PTCD1: variants seen among roughly 807,000 people sequenced by gnomAD.
PTCD1 encodes pentatricopeptide repeat domain 1.
A neutral mutation model predicts 53.4 loss-of-function variants in PTCD1; 50 were observed. The observed-to-expected ratio is 0.94, with a 90% CI of 0.75 to 1.19. PTCD1 has a LOEUF of 1.19. Ranked by LOEUF, PTCD1 falls within the 50% of genes most tolerant of loss-of-function variation. The probability of loss-of-function intolerance (pLI) is 0.00; values close to 1 mark genes in which losing one functional copy is unlikely to be tolerated. For synonymous variants in PTCD1, 413 were observed against 394.8 expected (o/e 1.05, Z -0.55); for missense variants, 918 against 904.8 (o/e 1.01, Z -0.19).
At chr7:99,429,543 G>C in intron 4 of PTCD1, 45 bp downstream of exon 4, 2 of 1,613,660 alleles carry the variant, frequency 1.2e-6, no homozygotes, top group African/African-American at 2.7e-5. Context: ...CTGACACGTG[G>C]GACCAGCCCC....
Position 99,419,507 on chromosome 7 carries a change from T to G in PTCD1, c.*460A>C, listed in dbSNP as rs1795701123. On this transcript the variant is annotated 3_prime_UTR_variant, in exon 8 of 8. Transcript: ENST00000292478. ...CCTGCCTGTCACGCCACCCCCTTCC[T>G]GGGAGCAGCGAGCAGTGCCCCAGGC... is the stretch of plus-strand genomic sequence containing the variant. 6.3e-7 allele frequency: 1 copy of G among 1,586,866 alleles called. No homozygotes were observed. The highest frequency in any genetic ancestry group is 1.7e-5 in the Admixed American group (1 of 59,864).
chr7:99,427,530 G>A (rs1420526463), intron 5 of PTCD1, among the ~76,000 whole-genome samples: 5 of 151,602 alleles, frequency 3.3e-5, no homozygotes, highest in South Asian at 2.1e-4. Context: ...GGAGGTGAGC[G>A]GCGCCTCTGC....
At chr7:99,429,885 A>AGGCTGGAGAGGG in intron 3 of PTCD1, 79 bp from the exon 4 acceptor site, 1 of 1,554,700 alleles carries the variant, frequency 6.4e-7, no homozygotes. Flanking sequence ...GAGGAGGCTG[A>AGGCTGGAGAGGG]GGCTGGAGAG....
At chr7:99,423,519 G>A (rs1276493878) in intron 7 of PTCD1, among the ~76,000 whole-genome samples, 3 of 152,196 alleles carry the variant, frequency 2.0e-5, no homozygotes, top group Non-Finnish European at 4.4e-5. Flanking sequence ...CAAGAGGTTG[G>A]TGGCCTCTGC....
intron 2 of PTCD1, 130 bp downstream of exon 2, chr7:99,434,660 G>T: frequency 8.8e-7 from 1 of 1,138,368 alleles, no homozygotes; most frequent in Non-Finnish European, 1.3e-6. Context: ...GATACTTACA[G>T]CCATAAGGCT....
At chr7:99,434,480 G>A (rs1459782043) in intron 2 of PTCD1, among the ~76,000 whole-genome samples, 5 of 151,758 alleles carry the variant, frequency 3.3e-5, no homozygotes, top group African/African-American at 4.8e-5. Context: ...GTGCTAGAAG[G>A]GTGTGGAGGA....
At position 99,435,148 on chromosome 7, in the gene PTCD1, G is replaced by A. The variant is rs1366474170; in HGVS notation, c.95C>T (p.Ala32Val). 1.9e-6 allele frequency: 3 copies of A among 1,600,700 alleles called. No individual in the cohort carries two copies. In the South Asian group the frequency reaches 3.3e-5, roughly 18 times the overall value. The change falls in exon 2 of 8, where the codon GCA becomes GTA. Residue 32 changes from alanine to valine, a missense_variant. By Grantham distance (64) the Ala-to-Val change is moderately conservative. Coordinates refer to ENST00000292478, the MANE Select transcript of PTCD1 (RefSeq NM_015545.4). Reference sequence around the variant, plus strand: ...CCGCATCAGCCCCTCCCTGCCTCCTGCCCACCTGGCTCTACAGGGGTCCAG... The same window carrying A: ...CCGCATCAGCCCCTCCCTGCCTCCTACCCACCTGGCTCTACAGGGGTCCAG... ...QHLDPCRARW[A>V]GGREGLMRPM... is the part of the protein sequence containing the mutation.
At chr7:99,429,240 T>C (rs759082340) in intron 4 of PTCD1, 36 bp from the exon 5 acceptor site, 3 of 1,610,790 alleles carry the variant, frequency 1.9e-6, no homozygotes, top group Non-Finnish European at 2.5e-6. Context: ...ACTGAGAACC[T>C]GCAGCAGGCT....
intron 7 of PTCD1, among the ~76,000 whole-genome samples, chr7:99,423,070 T>C (rs563648341): frequency 6.6e-6 from 1 of 151,654 alleles, no homozygotes; most frequent in Admixed American, 6.6e-5. Flanking sequence ...ACTTCAGCTC[T>C]TAACCTCTTT....
intron 5 of PTCD1, among the ~76,000 whole-genome samples, chr7:99,427,761 GA>G (rs1733154872): frequency 6.6e-6 from 1 of 151,876 alleles, no homozygotes; most frequent in Non-Finnish European, 1.5e-5. Context: ...TCTGTACTAA[GA>G]AAAATTCTTC....
intron 2 of PTCD1, 150 bp downstream of exon 2, chr7:99,434,640 A>G: frequency 1.0e-6 from 1 of 971,970 alleles, no homozygotes; most frequent in Non-Finnish European, 1.6e-6. Flanking sequence ...GGAGGATGGC[A>G]AAGGGTTGCG....
intron 3 of PTCD1, among the ~76,000 whole-genome samples, chr7:99,430,361 C>G (rs1456291316): frequency 6.6e-6 from 1 of 152,232 alleles, no homozygotes; most frequent in Admixed American, 6.5e-5. Flanking sequence ...TACTGAGCCT[C>G]CAGGGGACTA....
intron 3 of PTCD1, among the ~76,000 whole-genome samples, 173 bp from the exon 4 acceptor site, chr7:99,429,979 T>C (rs552047621): frequency 6.6e-6 from 1 of 152,190 alleles, no homozygotes. Context: ...CTCAGACACA[T>C]TGAAGGGACT....
Position 99,429,823 on chromosome 7 carries a change from A to T in PTCD1, c.595-17T>A. On this transcript the variant is annotated splice_polypyrimidine_tract_variant and intron_variant, in intron 3 of 7. Transcript: ENST00000292478. ...CTTTTTCATCTGTGGAGATGGAAGA[A>T]GCTCAGTGGTGGCCCGGGATCAGCT... 1.2e-6 allele frequency: 2 copies of T among 1,613,670 alleles called. No homozygotes were observed. Among genetic ancestry groups the T allele is most frequent in the Non-Finnish European group, 8.5e-7 (1 of 1,179,998 alleles).
At chr7:99,433,035 CCT>C (rs1225918818) in intron 3 of PTCD1, 32 of 595,000 alleles carry the variant, frequency 5.4e-5, no homozygotes, top group Non-Finnish European at 7.7e-5. Flanking sequence ...AGTGAGGCTC[CCT>C]CTGTTTTTTT....
chr7:99,434,979 A>C lies in PTCD1; in HGVS notation c.264T>G (p.Ser88Arg). ...TQEEDEEEEE[S>R]FGTLSDKYSS... ...AGTATTTGTCAGAGAGGGTCCCAAA[A>C]CTCTCCTCCTCCTCCTCGTCTTCTT... The change falls in exon 2 of 8, where the codon AGT (serine) becomes AGG (arginine). Residue 88 changes from serine to arginine, a missense_variant. Ser to Arg is a moderately radical substitution (Grantham distance 110, BLOSUM62 -1). Transcript: ENST00000292478. 6.2e-7 allele frequency: 1 copy of C among 1,613,606 alleles called. No homozygotes were observed. The highest frequency in any genetic ancestry group is 8.5e-7 in the Non-Finnish European group (1 of 1,179,904).
At chr7:99,435,351 G>A in intron 1 of PTCD1, 83 bp from the exon 2 acceptor site, 1 of 1,545,176 alleles carries the variant, frequency 6.5e-7, no homozygotes, top group Non-Finnish European at 8.7e-7. Flanking sequence ...TACAAGTATG[G>A]GCCCAGGCCA....
At chr7:99,423,713 G>T (rs1332606679) in intron 7 of PTCD1, 62 bp downstream of exon 7, 1 of 1,610,370 alleles carries the variant, frequency 6.2e-7, no homozygotes. Flanking sequence ...GGGGTTGGGT[G>T]GTGGGGGGAG....
chr7:99,429,137 T>G lies in PTCD1; in HGVS notation c.881A>C (p.Gln294Pro). 6.2e-7 allele frequency: 1 copy of G among 1,614,112 alleles called. No homozygotes were observed. The highest frequency in any genetic ancestry group is 8.5e-7 in the Non-Finnish European group (1 of 1,180,024). ...GTACCGGAAGCCTGTCTTCTTGTCT[T>G]GGATGCAGCCCATGAGCAGGAAACT... ...TFSFLLMGCIQDKKTGFRYAL... is the reference protein window; with the variant it reads ...TFSFLLMGCIPDKKTGFRYAL... Residue 294 changes from glutamine to proline, a missense_variant, in exon 5 of 8, where the codon CAA becomes CCA. By Grantham distance (76) the Gln-to-Pro change is moderately conservative (BLOSUM62 -1). Coordinates refer to ENST00000292478, the MANE Select transcript of PTCD1 (RefSeq NM_015545.4).
Sources: gnomAD v4.1 joint callset for allele counts (sites outside exome capture counted in the v4.1 genomes callset) on GRCh38, gnomAD v4.1.1 for gene constraint, MANE v1.5 for transcripts, NCBI Gene and HGNC (gene_info 2026-07-23, HGNC 2026-07-21) for gene names.